RPS6KA5: variants seen among roughly 807,000 people sequenced by gnomAD.
The protein encoded by RPS6KA5 is ribosomal protein S6 kinase alpha-5.
Under a neutral mutation model 85.5 loss-of-function variants are expected in RPS6KA5, and 27 were observed. The ratio of observed to expected loss-of-function variants is 0.32; its 90% CI spans 0.23 to 0.44. RPS6KA5 has a LOEUF of 0.44. RPS6KA5 is among the 20% of genes least tolerant of loss of function. The pLI is 1.00. For synonymous variants in RPS6KA5, 334 were observed against 348.2 expected, an observed-to-expected ratio of 0.96 and a Z score of 0.46; for missense variants, 811 against 980.9, an observed-to-expected ratio of 0.83 and a Z score of 2.31.
intron 9 of RPS6KA5, 57 bp downstream of exon 9, chr14:90,902,751 A>T (rs991019092): frequency 4.7e-6 from 7 of 1,496,254 alleles, no homozygotes; most frequent in Admixed American, 2.0e-5. Flanking sequence ...GGGAAATTTA[A>T]TCTTTTCTTT....
intron 2 of RPS6KA5, among the ~76,000 whole-genome samples, chr14:91,000,790 A>G (rs1272480749): frequency 2.6e-5 from 4 of 152,144 alleles, no homozygotes; most frequent in African/African-American, 9.7e-5. Context: ...CGACAGAGCT[A>G]GACTCCGTCT....
chr14:91,020,497 A>G (rs2041702291), intron 1 of RPS6KA5, among the ~76,000 whole-genome samples: 1 of 147,664 alleles, frequency 6.8e-6, no homozygotes, highest in Non-Finnish European at 1.5e-5. Context: ...TCTATAGGGG[A>G]TCCTGAAACC....
intron 3 of RPS6KA5, among the ~76,000 whole-genome samples, chr14:90,951,857 T>C (rs556604277): frequency 7.2e-5 from 11 of 152,320 alleles, no homozygotes; most frequent in Non-Finnish European, 1.5e-4. Flanking sequence ...GCTATTGCCA[T>C]GTCCGGACTG....
rs939035823 is a variant in RPS6KA5 at position 90,861,235 on chromosome 14, A to C, written c.*10839T>G. Reference sequence around the variant, plus strand: ...TAGTAGTAGTACTACTAATAAAAATAATGTCGGCCGGGCGCGGTGGCTCAC... The same window carrying C: ...TAGTAGTAGTACTACTAATAAAAATCATGTCGGCCGGGCGCGGTGGCTCAC... On this transcript the variant is annotated 3_prime_UTR_variant, in exon 17 of 17. Transcript: ENST00000614987. The C allele has an allele frequency of 2.7e-5, 4 of 150,722 alleles. No individual in the cohort carries two copies. Among genetic ancestry groups the C allele is most frequent in the Non-Finnish European group, 4.4e-5 (3 of 67,724 alleles). The allele number at this position is 150,722 out of a possible 1,614,324, so 9.3% of individuals were successfully genotyped here. A position where few individuals can be genotyped will look rare whatever the true frequency, so the allele number is the denominator to read the frequency against.
chr14:91,001,113 C>G lies in RPS6KA5; in HGVS notation c.150G>C (p.Glu50Asp). ...HAEKVGIENF[E>D]LLKVLGTGAY... Reference sequence around the variant, plus strand: ...CTCCAGTTCCTAGGACCTTCAGGAGCTCAAAATTTTCTATTCCCACCTTCT... The same window carrying G: ...CTCCAGTTCCTAGGACCTTCAGGAGGTCAAAATTTTCTATTCCCACCTTCT... The change falls in exon 2 of 17, where the codon GAG (glutamate) becomes GAC (aspartate). Residue 50 changes from glutamate (E) to aspartate (D), a missense_variant. Glu to Asp is a conservative substitution (Grantham distance 45). Coordinates refer to ENST00000614987, the MANE Select transcript of RPS6KA5 (RefSeq NM_004755.4). The G allele has an allele frequency of 1.3e-6, 2 of 1,598,476 alleles. No homozygotes were observed. The highest frequency in any genetic ancestry group is 1.7e-6 in the Non-Finnish European group (2 of 1,172,318).
intron 2 of RPS6KA5, among the ~76,000 whole-genome samples, chr14:90,991,080 C>T (rs527351268): frequency 1.2e-4 from 18 of 151,222 alleles, no homozygotes; most frequent in Middle Eastern, 3.4e-3. Context: ...GTAAGCTGGG[C>T]GAAAAAAGAC....
At chr14:91,052,760 G>A (rs1054844780) in intron 1 of RPS6KA5, among the ~76,000 whole-genome samples, 3 of 150,822 alleles carry the variant, frequency 2.0e-5, no homozygotes, top group Non-Finnish European at 4.4e-5. Flanking sequence ...CGTGAACCCA[G>A]GAGGCAGAGC....
chr14:90,969,802 A>G (rs1006695878), intron 3 of RPS6KA5, among the ~76,000 whole-genome samples: 2 of 152,188 alleles, frequency 1.3e-5, no homozygotes, highest in Non-Finnish European at 2.9e-5. Context: ...GGCACCTTCC[A>G]AAGAGCTGTT....
chr14:91,003,146 AATAATTACTCCT>A (rs1348285588), intron 1 of RPS6KA5, among the ~76,000 whole-genome samples: 2 of 152,100 alleles, frequency 1.3e-5, no homozygotes, highest in Non-Finnish European at 2.9e-5. Context: ...ATGTGTCAAA[AATAATTACTCCT>A]GGTTCTTACT....
At chr14:90,875,577 A>AT (rs1367252918) in intron 14 of RPS6KA5, among the ~76,000 whole-genome samples, 4 of 152,152 alleles carry the variant, frequency 2.6e-5, no homozygotes, top group African/African-American at 9.7e-5. Flanking sequence ...ATTATAAATC[A>AT]TGCTGCTATA....
chr14:90,865,873 T>C lies in RPS6KA5; in HGVS notation c.*6201A>G, dbSNP rs1031090096. 6.6e-6 allele frequency: 1 copy of C among 152,224 alleles called. No individual in the cohort carries two copies. Among genetic ancestry groups the C allele is most frequent in the South Asian group, 2.1e-4 (1 of 4,834 alleles). 9.4% of individuals were successfully genotyped at this position (152,224 alleles called of 1,614,324 possible). The stretch of plus-strand genomic sequence containing the variant: ...GCACTGAAATAACATTTTTGTAAAG[T>C]AGCCTTCTCTATGTTGATTGCAGAT... On this transcript the variant is annotated 3_prime_UTR_variant, in exon 17 of 17. Transcript: ENST00000614987.
Position 90,866,125 on chromosome 14 carries a change from G to A in RPS6KA5, c.*5949C>T, listed in dbSNP as rs755172. ...ATGAGTGTGGACACACCATAGAAAA[G>A]CAGAAAAATACGAGAAAAAGTGCAT... On this transcript the variant is annotated 3_prime_UTR_variant, in exon 17 of 17. Transcript: ENST00000614987. 89,005 of 151,930 alleles carry A rather than the reference G, an allele frequency of 0.59. 26,454 individuals are homozygous for A. The highest frequency in any genetic ancestry group is 0.69 in the African/African-American group (28,383 of 41,408). 9.4% of individuals were successfully genotyped at this position (151,930 alleles called of 1,614,324 possible).
chr14:90,954,255 A>C (rs1183892546), intron 3 of RPS6KA5, among the ~76,000 whole-genome samples: 2 of 152,236 alleles, frequency 1.3e-5, no homozygotes, highest in Non-Finnish European at 2.9e-5. Context: ...GTATTGGCAT[A>C]ATACTGGCCT....
rs2032738907 is a variant in RPS6KA5 at position 90,865,008 on chromosome 14, C to T, written c.*7066G>A. ...GTTGAAAACCATTTGGTAATATCTT[C>T]TACAGCTAAATATATATTCATCTTA... On this transcript the variant is annotated 3_prime_UTR_variant, in exon 17 of 17. Coordinates refer to ENST00000614987, the MANE Select transcript of RPS6KA5 (RefSeq NM_004755.4). 2 of 152,170 alleles carry T rather than the reference C, an allele frequency of 1.3e-5. No homozygotes were observed. The highest frequency in any genetic ancestry group is 2.4e-5 in the African/African-American group (1 of 41,432). 9.4% of individuals were successfully genotyped at this position (152,170 alleles called of 1,614,324 possible).
Position 90,872,027 on chromosome 14 carries a change from C to G in RPS6KA5, c.*47G>C, listed in dbSNP as rs998580083. 1.3e-6 allele frequency: 2 copies of G among 1,571,216 alleles called. No homozygotes were observed. The highest frequency in any genetic ancestry group is 1.8e-4 in the Middle Eastern group (1 of 5,506). On this transcript the variant is annotated 3_prime_UTR_variant, in exon 17 of 17. Transcript: ENST00000614987. The stretch of plus-strand genomic sequence containing the variant: ...CATAAAAGATCGCCTCAGGCATATG[C>G]TGAGGGAATAAAGGTGCAATGGATC...
intron 2 of RPS6KA5, among the ~76,000 whole-genome samples, chr14:90,997,906 C>T (rs958967774): frequency 2.0e-5 from 3 of 147,730 alleles, no homozygotes; most frequent in South Asian, 4.4e-4. Flanking sequence ...TCAGCTACTC[C>T]GGAGGCTGAG....
intron 4 of RPS6KA5, 59 bp downstream of exon 4, chr14:90,947,376 C>G: frequency 1.1e-6 from 1 of 890,352 alleles, no homozygotes; most frequent in East Asian, 2.4e-5. Context: ...TCTTCCAGCT[C>G]CATTATTACC....
intron 4 of RPS6KA5, 102 bp from the exon 5 acceptor site, chr14:90,943,287 C>T (rs2037686300): frequency 3.1e-6 from 2 of 643,362 alleles, no homozygotes; most frequent in South Asian, 4.5e-5. Flanking sequence ...TTTTTTAAGG[C>T]ATTTCCCTCC....
chr14:90,890,830 G>C, intron 13 of RPS6KA5, 152 bp from the exon 14 acceptor site: 1 of 592,930 alleles, frequency 1.7e-6, no homozygotes, highest in Non-Finnish European at 2.9e-6. Flanking sequence ...ATACACTGCT[G>C]CTCTCTGCTT....
Sources: allele counts gnomAD v4.1 joint callset (sites outside exome capture counted in the v4.1 genomes callset), GRCh38; gene constraint gnomAD v4.1.1; transcripts MANE v1.5; gene names NCBI Gene and HGNC (gene_info 2026-07-23, HGNC 2026-07-21).